The following PDE4B variants were observed in gnomAD, a reference collection of about 807,000 sequenced individuals.
PDE4B encodes phosphodiesterase 4B, also known as 3',5'-cyclic-AMP phosphodiesterase 4B.
PDE4B carries 20 observed loss-of-function variants against 82.2 expected under a neutral mutation model. That is an observed-to-expected ratio of 0.24 (90% CI 0.17 to 0.35). PDE4B has a LOEUF of 0.35. PDE4B is among the 10% of genes least tolerant of loss of function. The pLI is 1.00. For missense variants in PDE4B, 655 were observed against 907.2 expected (o/e 0.72, Z 3.57); for synonymous variants, 320 against 318.9 (o/e 1.00, Z -0.04).
intron 1 of PDE4B, among the ~76,000 whole-genome samples, chr1:65,863,793 A>G (rs747601088): frequency 2.6e-5 from 4 of 152,122 alleles, no homozygotes; most frequent in Non-Finnish European, 5.9e-5. Context: ...TTTGTCAGTT[A>G]AAGTCTGTTT....
chr1:66,278,134 G>C (rs2101770896), intron 7 of PDE4B, among the ~76,000 whole-genome samples: 1 of 152,312 alleles, frequency 6.6e-6, no homozygotes, highest in South Asian at 2.1e-4. Flanking sequence ...CAAGGCAGGT[G>C]TTCAAAAATA....
chr1:65,877,739 A>G (rs1334171795), intron 1 of PDE4B, among the ~76,000 whole-genome samples: 9 of 152,080 alleles, frequency 5.9e-5, no homozygotes, highest in Non-Finnish European at 1.2e-4. Context: ...TTAACTCAAG[A>G]TGGATTAAAG....
intron 3 of PDE4B, among the ~76,000 whole-genome samples, chr1:66,121,801 C>G (rs956614934): frequency 6.6e-6 from 1 of 152,194 alleles, no homozygotes; most frequent in African/African-American, 2.4e-5. Context: ...GCATCTTTCA[C>G]AGAATTATGC....
chr1:65,956,231 G>T (rs936689515), intron 3 of PDE4B, among the ~76,000 whole-genome samples: 3 of 152,220 alleles, frequency 2.0e-5, no homozygotes, highest in African/African-American at 7.2e-5. Context: ...ATATATTTAA[G>T]GTTTGGGAAA....
intron 4 of PDE4B, among the ~76,000 whole-genome samples, chr1:66,256,949 T>C (rs1654280044): frequency 6.6e-6 from 1 of 152,202 alleles, no homozygotes; most frequent in Non-Finnish European, 1.5e-5. Context: ...TCAAAGTATG[T>C]GCCAGAGAGA....
In PDE4B at chr1:65,960,774, C is replaced by G. The variant is rs569097293; in HGVS notation, c.281+41939C>G. 5.3e-4 allele frequency among the ~76,000 whole-genome samples: 80 copies of G among 152,224 alleles called. 1 individual carries two copies. The South Asian group carries it at 0.016, about 31-fold the overall frequency. On this transcript the variant is annotated intron_variant, in intron 3 of 16. Coordinates refer to ENST00000341517, the MANE Select transcript of PDE4B (RefSeq NM_002600.4). Reference sequence around the variant, plus strand: ...AGTGTCTTCTGAGGCCACTGGGTATCTCTAGAAAGCTTGAAGTTTAGGAGT... The same window carrying G: ...AGTGTCTTCTGAGGCCACTGGGTATGTCTAGAAAGCTTGAAGTTTAGGAGT...
intron 1 of PDE4B, 27 bp from the exon 2 acceptor site, chr1:65,913,218 T>A: frequency 9.7e-7 from 1 of 1,027,248 alleles, no homozygotes; most frequent in Non-Finnish European, 1.5e-6. Context: ...AGAGCTGTTC[T>A]TTTTTGTGTG....
chr1:66,080,342 G>C (rs1261285404), intron 3 of PDE4B, among the ~76,000 whole-genome samples: 1 of 152,082 alleles, frequency 6.6e-6, no homozygotes, highest in East Asian at 1.9e-4. Context: ...GAGCAAATAA[G>C]ATGCGTTGAC....
At chr1:65,828,957 T>C (rs1646050589) in intron 1 of PDE4B, among the ~76,000 whole-genome samples, 1 of 152,132 alleles carries the variant, frequency 6.6e-6, no homozygotes, top group Admixed American at 6.6e-5. Context: ...CTCAACCAGA[T>C]TAATAATAAC....
chr1:66,332,127 C>G (rs1370840977), intron 7 of PDE4B: 5 of 1,294,094 alleles, frequency 3.9e-6, no homozygotes, highest in Non-Finnish European at 4.9e-6. Context: ...CCTAAAGAAC[C>G]CTGGGATGAC....
At chr1:65,830,189 G>T (rs1045960861) in intron 1 of PDE4B, among the ~76,000 whole-genome samples, 4 of 151,996 alleles carry the variant, frequency 2.6e-5, no homozygotes, top group African/African-American at 9.7e-5. Flanking sequence ...TGTGGCACTG[G>T]GCTACAACAC....
chr1:66,244,834 G>A (rs935091129), intron 3 of PDE4B, among the ~76,000 whole-genome samples: 27 of 152,228 alleles, frequency 1.8e-4, no homozygotes, highest in Non-Finnish European at 3.5e-4. Flanking sequence ...GGGCATCATG[G>A]AGAGATCATT....
chr1:65,980,865 A>G (rs1650646983), intron 3 of PDE4B, among the ~76,000 whole-genome samples: 1 of 152,206 alleles, frequency 6.6e-6, no homozygotes, highest in Non-Finnish European at 1.5e-5. Flanking sequence ...ATTTAAAAAG[A>G]TTAAAAAACA....
intron 1 of PDE4B, among the ~76,000 whole-genome samples, chr1:65,868,442 G>A (rs1483174096): frequency 6.6e-6 from 1 of 152,208 alleles, no homozygotes; most frequent in African/African-American, 2.4e-5. Context: ...ATTAGCCAGA[G>A]TTTCAAAGGA....
intron 1 of PDE4B, among the ~76,000 whole-genome samples, chr1:65,891,047 T>A (rs548297913): frequency 6.6e-6 from 1 of 152,126 alleles, no homozygotes; most frequent in East Asian, 1.9e-4. Context: ...TAGTACCAGA[T>A]GAAAATGGGA....
chr1:66,179,362 A>G (rs1017274125), intron 3 of PDE4B, among the ~76,000 whole-genome samples: 3 of 152,176 alleles, frequency 2.0e-5, no homozygotes, highest in African/African-American at 7.2e-5. Flanking sequence ...CAGGCTGCAT[A>G]TGAGATGGGT....
intron 7 of PDE4B, among the ~76,000 whole-genome samples, chr1:66,268,072 T>C (rs940222686): frequency 5.9e-5 from 9 of 152,184 alleles, no homozygotes; most frequent in African/African-American, 1.9e-4. Context: ...TGTATTTCAA[T>C]TGAAATCTAA....
At chr1:66,101,637 G>A (rs895260822) in intron 3 of PDE4B, among the ~76,000 whole-genome samples, 1 of 152,184 alleles carries the variant, frequency 6.6e-6, no homozygotes, top group African/African-American at 2.4e-5. Context: ...CTTCTTTTGA[G>A]AAGTGTCTGT....
chr1:65,884,280 C>T (rs1646745384), intron 1 of PDE4B, among the ~76,000 whole-genome samples: 1 of 152,108 alleles, frequency 6.6e-6, no homozygotes, highest in Admixed American at 6.6e-5. Context: ...GTGAATCCAT[C>T]TGGTCTTGGG....
Sources: allele counts gnomAD v4.1 joint callset (sites outside exome capture counted in the v4.1 genomes callset), GRCh38; gene constraint gnomAD v4.1.1; transcripts MANE v1.5; gene names NCBI Gene and HGNC (gene_info 2026-07-23, HGNC 2026-07-21).